The following ELP3 variants were observed in gnomAD, a reference collection of about 807,000 sequenced individuals.
ELP3 encodes the protein elongator complex protein 3.
A neutral mutation model predicts 74.9 loss-of-function variants in ELP3; 56 were observed. The observed-to-expected ratio is 0.75, with a 90% CI of 0.60 to 0.93. ELP3 has a LOEUF of 0.93. ELP3 is among the 40% of genes least tolerant of loss of function. The probability of loss-of-function intolerance (pLI) is 0.00; values close to 1 mark genes in which losing one functional copy is unlikely to be tolerated. For missense variants in ELP3, 573 were observed against 686.5 expected (o/e 0.83, Z 1.85); for synonymous variants, 222 against 239.8 (o/e 0.93, Z 0.68).
At chr8:28,102,157 T>C (rs943318787) in intron 3 of ELP3, among the ~76,000 whole-genome samples, 1 of 152,206 alleles carries the variant, frequency 6.6e-6, no homozygotes, top group African/African-American at 2.4e-5. Context: ...TTAGTATTGA[T>C]GTATGCTGAC....
intron 9 of ELP3, among the ~76,000 whole-genome samples, chr8:28,134,604 C>A (rs181872223): frequency 6.6e-6 from 1 of 152,202 alleles, no homozygotes; most frequent in East Asian, 1.9e-4. Flanking sequence ...AAAACTTGAA[C>A]AAGCATTTCA....
At chr8:28,099,177 G>A (rs1271236812) in intron 2 of ELP3, among the ~76,000 whole-genome samples, 1 of 152,176 alleles carries the variant, frequency 6.6e-6, no homozygotes, top group Non-Finnish European at 1.5e-5. Context: ...TAAGAGTTTG[G>A]CTAGGAGGCA....
intron 10 of ELP3, among the ~76,000 whole-genome samples, chr8:28,152,411 A>AT (rs1406478306): frequency 1.3e-5 from 2 of 151,996 alleles, no homozygotes; most frequent in Admixed American, 6.6e-5. Flanking sequence ...TCTGTGAGTT[A>AT]TTTTTTTCAC....
chr8:28,118,481 A>G (rs1364573546), intron 7 of ELP3, among the ~76,000 whole-genome samples: 1 of 152,218 alleles, frequency 6.6e-6, no homozygotes, highest in Non-Finnish European at 1.5e-5. Flanking sequence ...CAAAACAGGT[A>G]TGGCTTTTGT....
intron 9 of ELP3, among the ~76,000 whole-genome samples, chr8:28,133,273 T>G (rs73557319): frequency 0.076 from 11,496 of 152,232 alleles, 838 homozygotes; most frequent in East Asian, 0.33. Context: ...TGACTCATTA[T>G]TCTATTGAGA....
At chr8:28,139,276 T>C (rs748607334) in intron 10 of ELP3, among the ~76,000 whole-genome samples, 1 of 148,810 alleles carries the variant, frequency 6.7e-6, no homozygotes, top group Non-Finnish European at 1.5e-5. Context: ...TCAGCAGATA[T>C]ATTAAGGATA....
intron 10 of ELP3, among the ~76,000 whole-genome samples, chr8:28,142,431 G>T (rs992784030): frequency 1.3e-5 from 2 of 152,208 alleles, no homozygotes; most frequent in African/African-American, 2.4e-5. Context: ...GAGCTTGTGA[G>T]TGAGGAGTGG....
At chr8:28,143,774 A>G (rs1813332108) in intron 10 of ELP3, among the ~76,000 whole-genome samples, 1 of 152,238 alleles carries the variant, frequency 6.6e-6, no homozygotes, top group Non-Finnish European at 1.5e-5. Flanking sequence ...TTAGAGTAGT[A>G]TAATCTGGGA....
At chr8:28,114,732 A>G (rs1432268735) in intron 7 of ELP3, among the ~76,000 whole-genome samples, 1 of 152,178 alleles carries the variant, frequency 6.6e-6, no homozygotes, top group Non-Finnish European at 1.5e-5. Context: ...TGAACAAGAG[A>G]AAGAACGTCA....
rs1310127335 is a variant in ELP3, at chr8:28,097,330, T to C, written c.119+12T>C. On this transcript the variant is annotated intron_variant, in intron 2 of 14. Coordinates refer to ENST00000256398, the MANE Select transcript of ELP3 (RefSeq NM_018091.6). ...ATCGATCTAAATAAGTAAGTGGATA[T>C]AAAGAGAGAGCAAGCTTGTTCTTAG... is the stretch of plus-strand genomic sequence containing the variant. The C allele has an allele frequency of 1.3e-6, 2 of 1,580,812 alleles. No individual in the cohort carries two copies. The highest frequency in any genetic ancestry group is 8.7e-7 in the Non-Finnish European group (1 of 1,151,392).
intron 3 of ELP3, 30 bp downstream of exon 3, chr8:28,099,996 A>C: frequency 6.2e-7 from 1 of 1,613,854 alleles, no homozygotes; most frequent in Non-Finnish European, 8.5e-7. Flanking sequence ...AGGTATCGAC[A>C]CACTGGGTAT....
At chr8:28,140,728 G>A (rs4732829) in intron 10 of ELP3, among the ~76,000 whole-genome samples, 10,936 of 152,060 alleles carry the variant, frequency 0.072, 782 homozygotes, top group East Asian at 0.33. Flanking sequence ...TTGAGGATTC[G>A]CCATTTAGTA....
intron 14 of ELP3, among the ~76,000 whole-genome samples, chr8:28,165,911 T>C (rs777875599): frequency 2.0e-5 from 3 of 152,222 alleles, no homozygotes; most frequent in Non-Finnish European, 2.9e-5. Context: ...TTTAAAAAGA[T>C]GACTACCTTT....
At chr8:28,102,621 G>A (rs936685412) in intron 3 of ELP3, among the ~76,000 whole-genome samples, 27 of 151,938 alleles carry the variant, frequency 1.8e-4, no homozygotes, top group African/African-American at 6.5e-4. Flanking sequence ...AGTAGTTTTA[G>A]GTTTATAGAG....
At chr8:28,092,182 C>T (rs1189016598), upstream of ELP3, among the ~76,000 whole-genome samples, 1 of 152,098 alleles carries the variant, frequency 6.6e-6, no homozygotes, top group African/African-American at 2.4e-5. Flanking sequence ...TGTTTAGGAA[C>T]AGAAGGAAGG....
intron 14 of ELP3, among the ~76,000 whole-genome samples, chr8:28,187,191 A>T (rs1815274658): frequency 6.6e-6 from 1 of 152,100 alleles, no homozygotes; most frequent in Non-Finnish European, 1.5e-5. Flanking sequence ...TGCCTTCCAC[A>T]TATGCCCAGG....
upstream of ELP3, chr8:28,092,970 T>C: frequency 1.5e-6 from 1 of 646,702 alleles, no homozygotes; most frequent in Non-Finnish European, 2.8e-6. Context: ...GACGTTCCCA[T>C]CCTCCATCCC....
chr8:28,091,639 T>C (rs935111370), upstream of ELP3, among the ~76,000 whole-genome samples: 1 of 152,324 alleles, frequency 6.6e-6, no homozygotes, highest in South Asian at 2.1e-4. Context: ...AGATCATAGA[T>C]GGGTTTCAGG....
Position 28,189,853 on chromosome 8 carries a change from A to G in ELP3, c.*128A>G. On this transcript the variant is annotated 3_prime_UTR_variant, in exon 15 of 15. Transcript: ENST00000256398. ...GGCTTCACCCTCATCCCGCAGCTGCAGAGACTGGAAACTGCCTTCAAGGCC... is the reference window on the plus strand; with the variant it reads ...GGCTTCACCCTCATCCCGCAGCTGCGGAGACTGGAAACTGCCTTCAAGGCC... 4 of 1,020,648 alleles carry G rather than the reference A, an allele frequency of 3.9e-6. No individual in the cohort carries two copies. Among genetic ancestry groups the G allele is most frequent in the Non-Finnish European group, 5.8e-6 (4 of 687,076 alleles). The allele number at this position is 1,020,648 out of a possible 1,614,324, so 63.2% of individuals were successfully genotyped here.
Sources: gnomAD v4.1 joint callset for allele counts (sites outside exome capture counted in the v4.1 genomes callset) on GRCh38, gnomAD v4.1.1 for gene constraint, MANE v1.5 for transcripts, NCBI Gene and HGNC (gene_info 2026-07-23, HGNC 2026-07-21) for gene names.